The following FAM8A1 variants were observed in gnomAD, a reference collection of about 807,000 sequenced individuals.
FAM8A1 encodes the protein protein FAM8A1.
FAM8A1 carries 18 observed loss-of-function variants against 38.3 expected under a neutral mutation model. That is an observed-to-expected ratio of 0.47 (90% CI 0.33 to 0.70). The LOEUF (loss-of-function observed/expected upper bound fraction) is 0.70. FAM8A1 is among the 30% of genes least tolerant of loss of function. FAM8A1 has a pLI of 0.03. For missense variants in FAM8A1, 559 were observed against 559.6 expected (o/e 1.00, Z 0.01); for synonymous variants, 246 against 234.4 (o/e 1.05, Z -0.45).
intron 2 of FAM8A1, among the ~76,000 whole-genome samples, chr6:17,603,917 C>T (rs899551162): frequency 2.0e-5 from 3 of 151,746 alleles, no homozygotes; most frequent in African/African-American, 4.8e-5. Flanking sequence ...CTCCCTACTC[C>T]GATTACTGTC....
chr6:17,601,022 C>A lies in FAM8A1; in HGVS notation c.613C>A (p.Arg205=). The part of the protein sequence containing the change: ...TPAPVAGLGP[R]APHVQASVRA... ...TGCTCCAGTCGCGGGCCTGGGACCC[C>A]GGGCTCCTCACGTGCAGGCGTCGGT... is the stretch of plus-strand genomic sequence containing the variant. The change falls in exon 1 of 5, where the codon CGG becomes AGG. Residue 205 remains arginine (R), a synonymous_variant. Transcript: ENST00000259963. 6.3e-7 allele frequency: 1 copy of A among 1,588,428 alleles called. No homozygotes were observed.
At chr6:17,607,446 CATAAG>C (rs1332268297) in intron 4 of FAM8A1, among the ~76,000 whole-genome samples, 1 of 51,810 alleles carries the variant, frequency 1.9e-5, no homozygotes, top group Non-Finnish European at 4.5e-5. Flanking sequence ...TCTATAGTAT[CATAAG>C]ATACTATAGG....
rs578061341 is a variant in FAM8A1, at chr6:17,611,271, A to G, written c.*2932A>G. Reference sequence around the variant, plus strand: ...CTTCAGTGACTTGAGTGTTTTAGTTATGCATAAGTATTTCTAGCAAAGGAA... The same window carrying G: ...CTTCAGTGACTTGAGTGTTTTAGTTGTGCATAAGTATTTCTAGCAAAGGAA... On this transcript the variant is annotated 3_prime_UTR_variant, in exon 5 of 5. Coordinates refer to ENST00000259963, the MANE Select transcript of FAM8A1 (RefSeq NM_016255.3). 15 of 152,630 alleles carry G rather than the reference A, an allele frequency of 9.8e-5. 1 individual carries two copies. The highest frequency in any genetic ancestry group is 3.6e-4 in the African/African-American group (15 of 41,590). 9.5% of individuals were successfully genotyped at this position (152,630 alleles called of 1,614,324 possible).
At chr6:17,606,529 C>T (rs772247828) in intron 4 of FAM8A1, among the ~76,000 whole-genome samples, 5 of 152,040 alleles carry the variant, frequency 3.3e-5, no homozygotes, top group Non-Finnish European at 7.4e-5. Context: ...AATTATAAGT[C>T]ACAATACGAG....
Position 17,611,089 on chromosome 6 carries a change from G to A in FAM8A1, c.*2750G>A, listed in dbSNP as rs1764137515. On this transcript the variant is annotated 3_prime_UTR_variant, in exon 5 of 5. Transcript: ENST00000259963. ...GCCCAACTGAACTTTGCTCCCACTG[G>A]TTTAATAGTTACTTATTTCTGCCTA... is the stretch of plus-strand genomic sequence containing the variant. 1 of 152,084 alleles carries A rather than the reference G, an allele frequency of 6.6e-6. No individual in the cohort carries two copies. The highest frequency in any genetic ancestry group is 2.4e-5 in the African/African-American group (1 of 41,394). 9.4% of individuals were successfully genotyped at this position (152,084 alleles called of 1,614,324 possible). A position where few individuals can be genotyped will look rare whatever the true frequency, so the allele number is the denominator to read the frequency against.
chr6:17,606,780 C>T (rs548244628), intron 4 of FAM8A1, among the ~76,000 whole-genome samples: 3 of 152,168 alleles, frequency 2.0e-5, no homozygotes, highest in East Asian at 3.9e-4. Flanking sequence ...TGGCATCTAG[C>T]GCTGGGGGAA....
Position 17,611,359 on chromosome 6 carries a change from A to AG in FAM8A1, c.*3026dup, listed in dbSNP as rs1338896857. On this transcript the variant is annotated 3_prime_UTR_variant, in exon 5 of 5. Transcript: ENST00000259963. ...CTACTTGGGAATAAAGGGCTTTTTG[A>AG]GGGGGGTATGGATATTAAATGTTTT... 2.6e-5 allele frequency: 4 copies of AG among 152,546 alleles called. No homozygotes were observed. Among genetic ancestry groups the AG allele is most frequent in the East Asian group, 1.9e-4 (1 of 5,196 alleles). The allele number at this position is 152,546 out of a possible 1,614,324, so 9.4% of individuals were successfully genotyped here.
chr6:17,607,401 TAAC>T (rs1764069224), intron 4 of FAM8A1, among the ~76,000 whole-genome samples: 1 of 151,394 alleles, frequency 6.6e-6, no homozygotes, highest in African/African-American at 2.4e-5. Flanking sequence ...AATTTAATGC[TAAC>T]AACCTCATAA....
intron 2 of FAM8A1, 67 bp from the exon 3 acceptor site, chr6:17,604,838 GA>G (rs1400427737): frequency 1.8e-5 from 23 of 1,302,228 alleles, no homozygotes; most frequent in South Asian, 2.8e-5. Flanking sequence ...TTGCACTAAT[GA>G]AAAAAAAGTC....
chr6:17,610,619 G>A lies in FAM8A1; in HGVS notation c.*2280G>A, dbSNP rs1188788495. 1 of 152,044 alleles carries A rather than the reference G, an allele frequency of 6.6e-6. No homozygotes were observed. Among genetic ancestry groups the A allele is most frequent in the African/African-American group, 2.4e-5 (1 of 41,428 alleles). The allele number at this position is 152,044 out of a possible 1,614,324, so 9.4% of individuals were successfully genotyped here. A position where few individuals can be genotyped will look rare whatever the true frequency, so the allele number is the denominator to read the frequency against. The stretch of plus-strand genomic sequence containing the variant: ...ATTTTTCTCTTGGGGTTGTAAGGTA[G>A]TCTCCTGCTTTCCAGAACACTTTAT... On this transcript the variant is annotated 3_prime_UTR_variant, in exon 5 of 5. Transcript: ENST00000259963.
At chr6:17,607,741 G>A (rs1343380626) in intron 4 of FAM8A1, among the ~76,000 whole-genome samples, 1 of 152,130 alleles carries the variant, frequency 6.6e-6, no homozygotes, top group African/African-American at 2.4e-5. Flanking sequence ...GCTTTTAAAA[G>A]CTTTGCTTAA....
chr6:17,602,831 T>A, intron 2 of FAM8A1, 121 bp downstream of exon 2: 1 of 890,240 alleles, frequency 1.1e-6, no homozygotes, highest in East Asian at 2.9e-5. Context: ...TCATGATTTC[T>A]TTATAAGAGC....
Position 17,601,050 on chromosome 6 carries a change from G to T in FAM8A1, c.641G>T (p.Arg214Leu). 6.3e-7 allele frequency: 1 copy of T among 1,595,516 alleles called. No individual in the cohort carries two copies. Among genetic ancestry groups the T allele is most frequent in the South Asian group, 1.1e-5 (1 of 88,436 alleles). The change falls in exon 1 of 5, where the codon CGG becomes CTG. Residue 214 changes from arginine to leucine, a missense_variant. Arg to Leu is a moderately radical substitution (Grantham distance 102, BLOSUM62 -2). Transcript: ENST00000259963. ...PRAPHVQASV[R>L]ATPVTRVGSA... ...GCTCCTCACGTGCAGGCGTCGGTCCGGGCCACTCCAGTGACGAGGGTAGGA... is the reference window on the plus strand; with the variant it reads ...GCTCCTCACGTGCAGGCGTCGGTCCTGGCCACTCCAGTGACGAGGGTAGGA...
At position 17,607,134 on chromosome 6, in the gene FAM8A1, C is replaced by T. The variant is rs1037423536; in HGVS notation, c.1098-1061C>T. ...AATTAGCCGGGCGTGGTGGCGGGCCCTGTAGTCCCAGCTACTCAGGAGGCT... is the reference window on the plus strand; with the variant it reads ...AATTAGCCGGGCGTGGTGGCGGGCCTTGTAGTCCCAGCTACTCAGGAGGCT... On this transcript the variant is annotated intron_variant, in intron 4 of 4. Transcript: ENST00000259963. Among the ~76,000 whole-genome samples, 15 of 151,862 alleles carry T rather than the reference C, an allele frequency of 9.9e-5. 1 individual carries two copies. Among genetic ancestry groups the T allele is most frequent in the Admixed American group, 2.0e-4 (3 of 15,234 alleles).
rs1417501064 is a variant in FAM8A1, at chr6:17,608,729, G to A, written c.*390G>A. 1 of 154,818 alleles carries A rather than the reference G, an allele frequency of 6.5e-6. No individual in the cohort carries two copies. Among genetic ancestry groups the A allele is most frequent in the African/African-American group, 2.4e-5 (1 of 41,522 alleles). 9.6% of individuals were successfully genotyped at this position (154,818 alleles called of 1,614,324 possible). On this transcript the variant is annotated 3_prime_UTR_variant, in exon 5 of 5. Coordinates refer to ENST00000259963, the MANE Select transcript of FAM8A1 (RefSeq NM_016255.3). Reference sequence around the variant, plus strand: ...AATGGAAAATGTCCAGTTGTGTTTTGTAAACACCTATGTAACTCATCTTTT... The same window carrying A: ...AATGGAAAATGTCCAGTTGTGTTTTATAAACACCTATGTAACTCATCTTTT...
chr6:17,608,267 T>C lies in FAM8A1; in HGVS notation c.1170T>C (p.Phe390=). ...SFFPAFITLL[F]FQHNRTAYDI... ...TCCCTGCTTTCATCACACTGCTGTTTTTTCAGCATAATCGAACAGCTTATG... is the reference window on the plus strand; with the variant it reads ...TCCCTGCTTTCATCACACTGCTGTTCTTTCAGCATAATCGAACAGCTTATG... The change falls in exon 5 of 5, where the codon TTT becomes TTC. Residue 390 remains phenylalanine (F), a synonymous_variant. Coordinates refer to ENST00000259963, the MANE Select transcript of FAM8A1 (RefSeq NM_016255.3). The C allele has an allele frequency of 6.2e-7, 1 of 1,613,834 alleles. No individual in the cohort carries two copies. Among genetic ancestry groups the C allele is most frequent in the Non-Finnish European group, 8.5e-7 (1 of 1,179,830 alleles).
In FAM8A1 at chr6:17,611,504, G is replaced by T. The variant is rs1561843235; in HGVS notation, c.*3165G>T. ...AATTACTTGATATTCCTTGTCTCCA[G>T]TACCACAGGCCACTCTTGACATCCC... On this transcript the variant is annotated 3_prime_UTR_variant, in exon 5 of 5. Coordinates refer to ENST00000259963, the MANE Select transcript of FAM8A1 (RefSeq NM_016255.3). The T allele has an allele frequency of 6.6e-6, 1 of 152,544 alleles. No homozygotes were observed. Among genetic ancestry groups the T allele is most frequent in the Non-Finnish European group, 1.5e-5 (1 of 68,028 alleles). The allele number at this position is 152,544 out of a possible 1,614,324, so 9.4% of individuals were successfully genotyped here. A position where few individuals can be genotyped will look rare whatever the true frequency, so the allele number is the denominator to read the frequency against.
Position 17,600,940 on chromosome 6 carries a change from C to T in FAM8A1, c.531C>T (p.Phe177=). The change falls in exon 1 of 5, where the codon TTC becomes TTT. Residue 177 remains phenylalanine, a synonymous_variant. Transcript: ENST00000259963. ...PQLGYYNPFY[F]LSPGAAGPDP... The stretch of plus-strand genomic sequence containing the variant: ...TGGGCTATTACAACCCCTTCTACTT[C>T]CTGAGCCCCGGGGCCGCGGGGCCTG... The T allele has an allele frequency of 6.3e-7, 1 of 1,593,208 alleles. No homozygotes were observed. Among genetic ancestry groups the T allele is most frequent in the Non-Finnish European group, 8.5e-7 (1 of 1,172,236 alleles).
At position 17,602,593 on chromosome 6, in the gene FAM8A1, G is replaced by C; in HGVS notation, c.716G>C (p.Arg239Thr). Residue 239 changes from arginine to threonine, a missense_variant, in exon 2 of 5, where the codon AGA becomes ACA. Arg to Thr is a moderately conservative substitution (Grantham distance 71). This residue lies in a region of FAM8A1 where 166 missense variants were observed against 220.8 expected (regional missense o/e 0.75). Coordinates refer to ENST00000259963, the MANE Select transcript of FAM8A1 (RefSeq NM_016255.3). Reference sequence around the variant, plus strand: ...TTTTTTTTTTTTTAATTTACAGGCAGAGAATATGTTATTCCATCCTTGGCC... The same window carrying C: ...TTTTTTTTTTTTTAATTTACAGGCACAGAATATGTTATTCCATCCTTGGCC... ...SPSETGRQAG[R>T]EYVIPSLAHR... 1.3e-6 allele frequency: 2 copies of C among 1,591,134 alleles called. No homozygotes were observed. The highest frequency in any genetic ancestry group is 1.7e-6 in the Non-Finnish European group (2 of 1,174,172).
Sources: gnomAD v4.1 joint callset for allele counts (sites outside exome capture counted in the v4.1 genomes callset) on GRCh38, gnomAD v4.1.1 for gene constraint, gnomAD v4.1.1 regional missense constraint, MANE v1.5 for transcripts, NCBI Gene and HGNC (gene_info 2026-07-23, HGNC 2026-07-21) for gene names.